Variants in PIK3R4 observed in about 807,000 individuals in gnomAD.
The protein encoded by PIK3R4 is phosphoinositide-3-kinase regulatory subunit 4.
PIK3R4 carries 46 observed loss-of-function variants against 136.5 expected under a neutral mutation model. That is an observed-to-expected ratio of 0.34 (90% confidence interval 0.27 to 0.43). PIK3R4 has a LOEUF of 0.43. Among genes scored for constraint, PIK3R4 ranks in the 20% least tolerant of loss-of-function variants. The probability of loss-of-function intolerance (pLI) is 1.00; values close to 1 mark genes in which losing one functional copy is unlikely to be tolerated. For missense variants in PIK3R4, 1,331 were observed against 1,649.5 expected, an observed-to-expected ratio of 0.81 and a Z score of 3.35; for synonymous variants, 557 against 566.7, an observed-to-expected ratio of 0.98 and a Z score of 0.24.
rs61129038 is a variant in PIK3R4 at position 130,723,062 on chromosome 3, C to CAAAAAA, written c.1981+346_1981+351dup. On this transcript the variant is annotated intron_variant, in intron 7 of 19. Coordinates refer to ENST00000356763, the MANE Select transcript of PIK3R4 (RefSeq NM_014602.3). ...TGGGTGACAGAGTGAGAGACTGTCG[C>CAAAAAA]AAAAAAAAAAAAAAAAAAAAAAAAA... Among the ~76,000 whole-genome samples the CAAAAAA allele has an allele frequency of 7.2e-4, 14 of 19,496 alleles. 1 individual carries two copies. The highest frequency in any genetic ancestry group is 2.1e-3 in the East Asian group (1 of 476). The allele number at this position is 19,496 out of a possible 152,430, so 12.8% of individuals were successfully genotyped here. A position where few individuals can be genotyped will look rare whatever the true frequency, so the allele number is the denominator to read the frequency against.
At chr3:130,680,136 A>G (rs1292632115) in intron 19 of PIK3R4, among the ~76,000 whole-genome samples, 2 of 152,086 alleles carry the variant, frequency 1.3e-5, no homozygotes, top group South Asian at 2.1e-4. Context: ...TACCACTTCT[A>G]AAGCTCATTA....
chr3:130,690,155 G>C (rs2066508395), intron 14 of PIK3R4, among the ~76,000 whole-genome samples: 2 of 152,104 alleles, frequency 1.3e-5, no homozygotes, highest in Non-Finnish European at 2.9e-5. Flanking sequence ...TAGTAGCTGA[G>C]ACAGAAGATA....
At position 130,684,357 on chromosome 3, in the gene PIK3R4, C is replaced by T; in HGVS notation, c.3500G>A (p.Cys1167Tyr). Residue 1167 changes from cysteine (C) to tyrosine (Y), a missense_variant, in exon 16 of 20, where the codon TGT becomes TAT. Cys to Tyr is a radical substitution (Grantham distance 194). Coordinates refer to ENST00000356763, the MANE Select transcript of PIK3R4 (RefSeq NM_014602.3). ...CIGTSSGTMA[C>Y]WDMRFQLPIS... ...TGGCAACTGGAACCTCATGTCCCAACAAGCCATGGTACCACTGCTTGTACC... is the reference window on the plus strand; with the variant it reads ...TGGCAACTGGAACCTCATGTCCCAATAAGCCATGGTACCACTGCTTGTACC... The T allele has an allele frequency of 6.2e-7, 1 of 1,613,412 alleles. No individual in the cohort carries two copies. The highest frequency in any genetic ancestry group is 1.3e-5 in the African/African-American group (1 of 74,948).
At chr3:130,725,805 G>T (rs188569583) in intron 6 of PIK3R4, 74 of 152,086 alleles carry the variant, frequency 4.9e-4, no homozygotes, top group African/African-American at 1.5e-3. Flanking sequence ...AAAATTCATA[G>T]AATTAGAAAT....
At chr3:130,684,619 T>C (rs2066479159) in intron 15 of PIK3R4, among the ~76,000 whole-genome samples, 3 of 152,228 alleles carry the variant, frequency 2.0e-5, no homozygotes. Context: ...ATAATGTAAA[T>C]TGAAAATGAA....
At chr3:130,730,264 T>A in intron 5 of PIK3R4, 44 bp downstream of exon 5, 1 of 1,499,218 alleles carries the variant, frequency 6.7e-7, no homozygotes, top group Non-Finnish European at 9.1e-7. Context: ...GCATCAGCAA[T>A]TCATTCTAAA....
chr3:130,717,082 A>G lies in PIK3R4; in HGVS notation c.2128-483T>C, dbSNP rs148441409. 9.6e-3 allele frequency among the ~76,000 whole-genome samples: 1,464 copies of G among 152,292 alleles called. 29 individuals are homozygous for G. The highest frequency in any genetic ancestry group is 0.032 in the African/African-American group (1,350 of 41,548). On this transcript the variant is annotated intron_variant, in intron 8 of 19. Transcript: ENST00000356763. ...ATAAAATCTTTCCTTTAATTATCCA[A>G]AAGGAATACATTCCTTGTCAATGCA...
intron 6 of PIK3R4, among the ~76,000 whole-genome samples, chr3:130,727,907 T>A (rs1254449324): frequency 6.6e-6 from 1 of 151,990 alleles, no homozygotes; most frequent in African/African-American, 2.4e-5. Context: ...TTTAGATATA[T>A]CTAAAAATCA....
At chr3:130,739,248 T>C (rs2066805839) in intron 2 of PIK3R4, among the ~76,000 whole-genome samples, 1 of 152,176 alleles carries the variant, frequency 6.6e-6, no homozygotes, top group Admixed American at 6.5e-5. Flanking sequence ...AGCTAATTTT[T>C]TGTATTTTTA....
At chr3:130,688,943 C>A (rs1403668360) in intron 14 of PIK3R4, among the ~76,000 whole-genome samples, 1 of 152,168 alleles carries the variant, frequency 6.6e-6, no homozygotes, top group Non-Finnish European at 1.5e-5. Flanking sequence ...AGTCTGCTAA[C>A]CCTTGGATAA....
chr3:130,694,965 T>C (rs571383955), intron 13 of PIK3R4, among the ~76,000 whole-genome samples: 9 of 152,270 alleles, frequency 5.9e-5, no homozygotes, highest in Admixed American at 4.6e-4. Context: ...AACTGGTTTG[T>C]TGAGTTGGTT....
At chr3:130,706,572 T>C (rs949100393) in intron 11 of PIK3R4, among the ~76,000 whole-genome samples, 6 of 152,194 alleles carry the variant, frequency 3.9e-5, no homozygotes, top group African/African-American at 1.2e-4. Context: ...CGTAGGAAAT[T>C]TGGGACTTCT....
At position 130,705,592 on chromosome 3, in the gene PIK3R4, AT is replaced by A; in HGVS notation, c.2900del (p.Asn967MetfsTer19). 6.2e-7 allele frequency: 1 copy of A among 1,613,666 alleles called. No individual in the cohort carries two copies. The highest frequency in any genetic ancestry group is 8.5e-7 in the Non-Finnish European group (1 of 1,179,652). ...GTGGTGGTTTACTCTCCCATTCAGCATTTTCCATCATCTGCTTAGCTATTCT... is the reference window on the plus strand; with the variant it reads ...GTGGTGGTTTACTCTCCCATTCAGCATTTCCATCATCTGCTTAGCTATTCT... ...AERIAKQMME[N>X]AEWESKPPPP... On this transcript the variant is annotated frameshift_variant, in exon 12 of 20. Transcript: ENST00000356763. LOFTEE classifies it high-confidence loss of function.
intron 6 of PIK3R4, among the ~76,000 whole-genome samples, chr3:130,724,962 T>G (rs2066723311): frequency 6.6e-6 from 1 of 151,986 alleles, no homozygotes; most frequent in Admixed American, 6.5e-5. Context: ...CTCTGGAAAT[T>G]TCAACTATTG....
intron 7 of PIK3R4, among the ~76,000 whole-genome samples, chr3:130,722,219 G>A (rs752630627): frequency 1.4e-4 from 22 of 152,024 alleles, no homozygotes; most frequent in African/African-American, 5.3e-4. Flanking sequence ...TCTTGGTAAC[G>A]TGTTTTTTTC....
At chr3:130,704,847 T>C (rs560405356) in intron 12 of PIK3R4, among the ~76,000 whole-genome samples, 12 of 152,302 alleles carry the variant, frequency 7.9e-5, no homozygotes, top group African/African-American at 2.4e-4. Flanking sequence ...ATTTATTTTT[T>C]TGAGACAGAG....
intron 18 of PIK3R4, 120 bp downstream of exon 18, chr3:130,680,857 T>A (rs2066453808): frequency 6.6e-6 from 5 of 761,456 alleles, no homozygotes; most frequent in Non-Finnish European, 1.1e-5. Flanking sequence ...ATACCATTGG[T>A]TACAAATAAA....
intron 9 of PIK3R4, among the ~76,000 whole-genome samples, chr3:130,712,990 T>G (rs1421764311): frequency 1.3e-5 from 2 of 152,250 alleles, no homozygotes; most frequent in African/African-American, 4.8e-5. Flanking sequence ...CTCTGAAACT[T>G]ACTGCACTAT....
At chr3:130,702,999 A>T (rs1178307288) in intron 13 of PIK3R4, among the ~76,000 whole-genome samples, 4 of 152,156 alleles carry the variant, frequency 2.6e-5, no homozygotes, top group African/African-American at 9.7e-5. Context: ...TCATACTGCT[A>T]CCAAGCGACC....
Sources: allele counts gnomAD v4.1 joint callset (sites outside exome capture counted in the v4.1 genomes callset), GRCh38; gene constraint gnomAD v4.1.1; transcripts MANE v1.5; gene names NCBI Gene and HGNC (gene_info 2026-07-23, HGNC 2026-07-21).